Variants in TRPM3 observed in about 807,000 individuals in gnomAD.
TRPM3 encodes long transient receptor potential channel 3.
In TRPM3, 77 loss-of-function variants were observed where a neutral mutation model predicts 181.2. The ratio of observed to expected loss-of-function variants is 0.42; its 90% CI spans 0.35 to 0.51. The LOEUF (loss-of-function observed/expected upper bound fraction) is 0.51. Among genes scored for constraint, TRPM3 ranks in the 20% least tolerant of loss-of-function variants. TRPM3 has a pLI of 0.01. For synonymous variants in TRPM3, 745 were observed against 796.4 expected (o/e 0.94, Z 1.09); for missense variants, 1,759 against 2,196.7 (o/e 0.80, Z 3.98).
rs183313019 is a variant in TRPM3, at chr9:70,913,527, A to G, written c.178-49016T>C. On this transcript the variant is annotated intron_variant, in intron 1 of 25. Coordinates refer to ENST00000677713, the MANE Select transcript of TRPM3 (RefSeq NM_001366145.2). ...TATAATGTCCAAGTTCAAAACTACCAGAGGGAAAAGCTGCTGCTAAAATAT... is the reference window on the plus strand; with the variant it reads ...TATAATGTCCAAGTTCAAAACTACCGGAGGGAAAAGCTGCTGCTAAAATAT... Among the ~76,000 whole-genome samples, 13 of 152,372 alleles carry G rather than the reference A, an allele frequency of 8.5e-5. No homozygotes were observed. In the East Asian group the frequency reaches 2.5e-3, roughly 29 times the overall value.
intron 1 of TRPM3, among the ~76,000 whole-genome samples, chr9:71,008,133 T>A (rs2097699383): frequency 6.6e-6 from 1 of 152,026 alleles, no homozygotes; most frequent in South Asian, 2.1e-4. Context: ...GAGACTATTA[T>A]GAAGAGCTAT....
chr9:70,649,020 C>A (rs995931615), intron 9 of TRPM3, among the ~76,000 whole-genome samples: 1 of 152,042 alleles, frequency 6.6e-6, no homozygotes, highest in Admixed American at 6.6e-5. Flanking sequence ...GGAGCTTCTG[C>A]ACAACAAAAT....
intron 1 of TRPM3, among the ~76,000 whole-genome samples, chr9:71,016,918 TTATTTTTTAAATAGACATCTAA>T (rs2097789650): frequency 6.6e-6 from 1 of 152,184 alleles, no homozygotes; most frequent in Non-Finnish European, 1.5e-5. Flanking sequence ...TTTTCTGTTT[TTATTTTTTAAATAGACATCTAA>T]TATGTAGAAA....
chr9:70,535,498 T>A lies in TRPM3; in HGVS notation c.*455A>T. The A allele has an allele frequency of 6.5e-7, 1 of 1,550,370 alleles. No homozygotes were observed. The highest frequency in any genetic ancestry group is 8.7e-7 in the Non-Finnish European group (1 of 1,146,982). On this transcript the variant is annotated 3_prime_UTR_variant, in exon 26 of 26. Coordinates refer to ENST00000677713, the MANE Select transcript of TRPM3 (RefSeq NM_001366145.2). ...GAGCCAATGTGAAAAGAAAACAGAATGGAAGTTTAGAATATCTCATTGTGT... is the reference window on the plus strand; with the variant it reads ...GAGCCAATGTGAAAAGAAAACAGAAAGGAAGTTTAGAATATCTCATTGTGT...
intron 1 of TRPM3, among the ~76,000 whole-genome samples, chr9:71,340,399 ACC>A (rs2090877942): frequency 6.6e-6 from 1 of 152,102 alleles, no homozygotes; most frequent in Non-Finnish European, 1.5e-5. Flanking sequence ...ATCTTGAATT[ACC>A]ATGTGTTGTG....
intron 1 of TRPM3, among the ~76,000 whole-genome samples, chr9:70,962,114 T>C (rs144566814): frequency 6.6e-6 from 1 of 152,296 alleles, no homozygotes; most frequent in Non-Finnish European, 1.5e-5. Flanking sequence ...TTAGTGCAGA[T>C]GTAACACACA....
At position 71,395,746 on chromosome 9, in the gene TRPM3, G is replaced by A. The variant is rs79474089; in HGVS notation, c.183+50907C>T. ...GACCAAAAGCACTTACTAGGTTCACGGAATGTGCTCTCCTGGGCAAGCTTC... is the reference window on the plus strand; with the variant it reads ...GACCAAAAGCACTTACTAGGTTCACAGAATGTGCTCTCCTGGGCAAGCTTC... On this transcript the variant is annotated intron_variant, in intron 1 of 24. Coordinates refer to the TRPM3 transcript ENST00000357533. 5.9e-5 allele frequency among the ~76,000 whole-genome samples: 9 copies of A among 152,228 alleles called. No individual in the cohort carries two copies. The East Asian group carries it at 1.4e-3, about 23-fold the overall frequency.
intron 1 of TRPM3, among the ~76,000 whole-genome samples, chr9:70,885,634 T>A (rs1444475231): frequency 6.6e-6 from 1 of 152,174 alleles, no homozygotes; most frequent in East Asian, 1.9e-4. Flanking sequence ...TCTCAGGCCT[T>A]CGGTGTTCTT....
Position 70,696,947 on chromosome 9 carries a change from T to G in TRPM3, c.1273-15369A>C, listed in dbSNP as rs374540375. ...GGGCAGAGAAAATCCCTTGTTTATT[T>G]ACACAATGCAGGGCCTGGAGAAGCT... On this transcript the variant is annotated intron_variant, in intron 8 of 25. Coordinates refer to ENST00000677713, the MANE Select transcript of TRPM3 (RefSeq NM_001366145.2). Among the ~76,000 whole-genome samples, 10 of 151,274 alleles carry G rather than the reference T, an allele frequency of 6.6e-5. No homozygotes were observed. In the South Asian group the frequency reaches 2.1e-3, roughly 32 times the overall value.
At chr9:71,252,495 T>C (rs1329823684) in intron 1 of TRPM3, among the ~76,000 whole-genome samples, 3 of 152,204 alleles carry the variant, frequency 2.0e-5, no homozygotes, top group East Asian at 1.9e-4. Context: ...AGAATTCTGC[T>C]GTGAAAGGCA....
At chr9:71,418,200 C>T (rs921499819) in intron 1 of TRPM3, among the ~76,000 whole-genome samples, 1 of 151,878 alleles carries the variant, frequency 6.6e-6, no homozygotes, top group African/African-American at 2.4e-5. Flanking sequence ...CAATGGGAAT[C>T]TCCTTGTGCT....
chr9:71,081,753 A>T (rs997038350), intron 1 of TRPM3, among the ~76,000 whole-genome samples: 2 of 152,156 alleles, frequency 1.3e-5, no homozygotes, highest in African/African-American at 4.8e-5. Flanking sequence ...CATGCTTTGT[A>T]TCCTATTTCT....
chr9:71,151,736 T>C (rs1011533278), intron 1 of TRPM3, among the ~76,000 whole-genome samples: 3 of 152,044 alleles, frequency 2.0e-5, no homozygotes, highest in African/African-American at 7.2e-5. Flanking sequence ...GTTAACTACA[T>C]TACATAAATC....
chr9:71,260,303 G>A (rs2082955617), intron 1 of TRPM3, among the ~76,000 whole-genome samples: 1 of 152,130 alleles, frequency 6.6e-6, no homozygotes, highest in Admixed American at 6.6e-5. Flanking sequence ...ATACTTTGAA[G>A]TCAGGTAGTG....
chr9:70,902,567 T>TA (rs1271669752), intron 1 of TRPM3, among the ~76,000 whole-genome samples: 12 of 152,232 alleles, frequency 7.9e-5, no homozygotes, highest in Non-Finnish European at 1.6e-4. Flanking sequence ...CCAATTGTTT[T>TA]ACCTATTATT....
At chr9:70,760,341 G>T (rs1420323137) in intron 8 of TRPM3, among the ~76,000 whole-genome samples, 1 of 150,752 alleles carries the variant, frequency 6.6e-6, no homozygotes, top group African/African-American at 2.4e-5. Flanking sequence ...GCATGTAGAA[G>T]CTCAGGGCTT....
chr9:70,994,529 A>T (rs1167754009), intron 1 of TRPM3, among the ~76,000 whole-genome samples: 1 of 151,762 alleles, frequency 6.6e-6, no homozygotes, highest in African/African-American at 2.4e-5. Flanking sequence ...TCAAAATTGG[A>T]AGTTAACCTA....
At chr9:71,146,175 G>T (rs1360684887) in intron 1 of TRPM3, among the ~76,000 whole-genome samples, 3 of 152,126 alleles carry the variant, frequency 2.0e-5, no homozygotes, top group African/African-American at 7.2e-5. Flanking sequence ...CTCCTTAGAC[G>T]TTCCTTCGTT....
intron 1 of TRPM3, among the ~76,000 whole-genome samples, chr9:71,001,476 A>G (rs191696824): frequency 9.8e-5 from 15 of 152,360 alleles, no homozygotes; most frequent in Admixed American, 8.5e-4. Context: ...TTCGAGCACC[A>G]GAAGTTACTT....
Sources: allele counts gnomAD v4.1 joint callset (sites outside exome capture counted in the v4.1 genomes callset), GRCh38; gene constraint gnomAD v4.1.1; transcripts MANE v1.5; gene names NCBI Gene and HGNC (gene_info 2026-07-23, HGNC 2026-07-21).